TNPO3: variants seen among roughly 807,000 people sequenced by gnomAD.
TNPO3 encodes the protein transportin-3.
TNPO3 carries 65 observed loss-of-function variants against 122.8 expected under a neutral mutation model. The ratio of observed to expected loss-of-function variants is 0.53; its 90% CI spans 0.43 to 0.65. TNPO3 has a LOEUF of 0.65. TNPO3 is among the 30% of genes least tolerant of loss of function. The pLI, the probability that TNPO3 is intolerant of heterozygous loss-of-function variation, is 0.00. For synonymous variants in TNPO3, 372 were observed against 411.2 expected, an observed-to-expected ratio of 0.90 and a Z score of 1.15; for missense variants, 850 against 1,136.7, an observed-to-expected ratio of 0.75 and a Z score of 3.63.
Position 128,967,264 on chromosome 7 carries a change from C to A in TNPO3, c.2711+16G>T, listed in dbSNP as rs1180206837. The A allele has an allele frequency of 2.0e-6, 3 of 1,491,654 alleles. No individual in the cohort carries two copies. Among genetic ancestry groups the A allele is most frequent in the Middle Eastern group, 3.4e-4 (2 of 5,808 alleles). 92.4% of individuals were successfully genotyped at this position (1,491,654 alleles called of 1,614,324 possible). On this transcript the variant is annotated intron_variant, in intron 21 of 22. Coordinates refer to ENST00000265388, the MANE Select transcript of TNPO3 (RefSeq NM_012470.4). ...CCACATCCCACACCTCCTTAAGAAC[C>A]CCCAGTATCACTCACCTAGTGACTT...
chr7:129,013,104 CCTTT>C (rs1026493012), intron 4 of TNPO3, among the ~76,000 whole-genome samples: 4 of 152,144 alleles, frequency 2.6e-5, no homozygotes, highest in Non-Finnish European at 5.9e-5. Flanking sequence ...AAGAGACAAT[CCTTT>C]CTTTTATCTC....
rs138060966 is a variant in TNPO3, at chr7:128,956,655, A to T, written c.*31+569T>A. ...AATATTCCAAAATCCCAAAAAATCCAAAATTGAAAAACACTTCTGAAAGTG... is the reference window on the plus strand; with the variant it reads ...AATATTCCAAAATCCCAAAAAATCCTAAATTGAAAAACACTTCTGAAAGTG... On this transcript the variant is annotated intron_variant, in intron 22 of 22. Transcript: ENST00000265388. Among the ~76,000 whole-genome samples the T allele has an allele frequency of 2.2e-3, 334 of 152,358 alleles. 16 individuals carry two copies. In the East Asian group the frequency reaches 0.058, roughly 27 times the overall value.
intron 14 of TNPO3, among the ~76,000 whole-genome samples, chr7:128,981,759 C>A (rs1020782863): frequency 6.8e-6 from 1 of 147,576 alleles, no homozygotes; most frequent in Non-Finnish European, 1.5e-5. Flanking sequence ...ATGGGGTTCT[C>A]ACTCTGTCAC....
At chr7:129,053,498 A>C (rs974205966) in intron 1 of TNPO3, among the ~76,000 whole-genome samples, 7 of 151,150 alleles carry the variant, frequency 4.6e-5, no homozygotes, top group Non-Finnish European at 1.0e-4. Flanking sequence ...CTGTCTCAAA[A>C]AAAAAAAAAA....
At chr7:129,037,866 CTG>C (rs1184616935) in intron 1 of TNPO3, among the ~76,000 whole-genome samples, 2 of 151,980 alleles carry the variant, frequency 1.3e-5, no homozygotes, top group African/African-American at 4.8e-5. Flanking sequence ...TCTCCTACCA[CTG>C]AGAGAAGGGA....
At chr7:129,019,666 T>C (rs1409692144) in intron 1 of TNPO3, among the ~76,000 whole-genome samples, 1 of 152,014 alleles carries the variant, frequency 6.6e-6, no homozygotes, top group African/African-American at 2.4e-5. Flanking sequence ...CTGGGCAACA[T>C]GGCAAGACCC....
intron 11 of TNPO3, among the ~76,000 whole-genome samples, chr7:128,988,583 C>T (rs1241709073): frequency 6.6e-6 from 1 of 152,134 alleles, no homozygotes; most frequent in Non-Finnish European, 1.5e-5. Flanking sequence ...TGCAAGGTGG[C>T]ACTGAATGAT....
intron 5 of TNPO3, among the ~76,000 whole-genome samples, chr7:129,004,548 T>C (rs766970760): frequency 3.3e-5 from 5 of 152,204 alleles, no homozygotes; most frequent in African/African-American, 4.8e-5. Context: ...ATTTTGCATA[T>C]ACGATGTTTA....
chr7:129,006,756 C>T (rs1035365235), intron 4 of TNPO3, among the ~76,000 whole-genome samples: 4 of 152,114 alleles, frequency 2.6e-5, no homozygotes. Context: ...ACTACATAAA[C>T]CTACATTGAA....
Position 129,000,476 on chromosome 7 carries a change from G to A in TNPO3, c.964C>T (p.Arg322Ter), listed in dbSNP as rs751304152. 5.0e-6 allele frequency: 8 copies of A among 1,614,082 alleles called. No individual in the cohort carries two copies. Among genetic ancestry groups the A allele is most frequent in the South Asian group, 2.2e-5 (2 of 91,086 alleles). The change falls in exon 7 of 23, where the codon CGA (arginine) becomes TGA (stop). Residue 322 changes from arginine to a stop codon, truncating the protein, a stop_gained. Transcript: ENST00000265388. LOFTEE classifies it high-confidence loss of function. ...CTPGQGLGDL[R>*]TLELLLICAG... ...CAGATAAGCAGCAGCTCCAGAGTTCGAAGGTCCCCAAGACCTTGGCCTGGA... is the reference window on the plus strand; with the variant it reads ...CAGATAAGCAGCAGCTCCAGAGTTCAAAGGTCCCCAAGACCTTGGCCTGGA...
chr7:128,959,118 C>T (rs1797189572), intron 21 of TNPO3, among the ~76,000 whole-genome samples: 1 of 152,206 alleles, frequency 6.6e-6, no homozygotes, highest in Admixed American at 6.5e-5. Context: ...CATTTTACTT[C>T]CAAATTAATA....
chr7:128,986,989 G>T, intron 11 of TNPO3, 69 bp from the exon 12 acceptor site: 1 of 1,464,388 alleles, frequency 6.8e-7, no homozygotes. Context: ...TATTAAAACA[G>T]AGGTATACTT....
At chr7:129,033,096 G>C (rs9649521) in intron 1 of TNPO3, among the ~76,000 whole-genome samples, 74,183 of 151,848 alleles carry the variant, frequency 0.49, 18,320 homozygotes, top group African/African-American at 0.5. Flanking sequence ...AATGGTGCTA[G>C]GAAAACTGAA....
chr7:128,992,128 G>A (rs756097299), intron 9 of TNPO3, 38 bp from the exon 10 acceptor site: 1 of 1,247,158 alleles, frequency 8.0e-7, no homozygotes, highest in Non-Finnish European at 1.1e-6. Context: ...CCATTAAAAG[G>A]AAAACAGAAT....
At chr7:129,036,973 C>T (rs540283765) in intron 1 of TNPO3, among the ~76,000 whole-genome samples, 3 of 151,994 alleles carry the variant, frequency 2.0e-5, no homozygotes, top group African/African-American at 7.2e-5. Flanking sequence ...AGAAGGTAAA[C>T]AATGAGAAGA....
At position 128,980,293 on chromosome 7, in the gene TNPO3, T is replaced by C. The variant is rs375341977; in HGVS notation, c.1860-262A>G. ...TGGGCTGTGAGGCACTATGGCTATC[T>C]TTTCCATTTTTCCCTTTATAAACCC... On this transcript the variant is annotated intron_variant, in intron 14 of 22. Coordinates refer to ENST00000265388, the MANE Select transcript of TNPO3 (RefSeq NM_012470.4). Among the ~76,000 whole-genome samples, 23 of 152,328 alleles carry C rather than the reference T, an allele frequency of 1.5e-4. 1 individual carries two copies. The highest frequency in any genetic ancestry group is 5.3e-4 in the African/African-American group (22 of 41,584).
intron 10 of TNPO3, among the ~76,000 whole-genome samples, 179 bp downstream of exon 10, chr7:128,991,820 G>T (rs1800774019): frequency 6.6e-6 from 1 of 152,022 alleles, no homozygotes; most frequent in Non-Finnish European, 1.5e-5. Flanking sequence ...TTAAAACATG[G>T]TATCAGCAAT....
chr7:129,044,956 T>C (rs190055070), intron 1 of TNPO3, among the ~76,000 whole-genome samples: 183 of 152,296 alleles, frequency 1.2e-3, no homozygotes, highest in African/African-American at 4.3e-3. Context: ...CAAGTGTCCA[T>C]TGATGGATAA....
At chr7:129,011,533 G>A (rs914518305) in intron 4 of TNPO3, among the ~76,000 whole-genome samples, 14 of 151,728 alleles carry the variant, frequency 9.2e-5, no homozygotes, top group African/African-American at 2.7e-4. Flanking sequence ...TAGTAGAGAC[G>A]GGGTTTCACC....
Sources: gnomAD v4.1 joint callset for allele counts (sites outside exome capture counted in the v4.1 genomes callset) on GRCh38, gnomAD v4.1.1 for gene constraint, MANE v1.5 for transcripts, NCBI Gene and HGNC (gene_info 2026-07-23, HGNC 2026-07-21) for gene names.